The following KCNC4 variants were observed in gnomAD, a reference collection of about 807,000 sequenced individuals.
The protein encoded by KCNC4 is voltage-gated potassium channel KCNC4.
A neutral mutation model predicts 42.8 loss-of-function variants in KCNC4; 23 were observed. The observed-to-expected ratio is 0.54, with a 90% CI of 0.39 to 0.76. KCNC4 has a LOEUF of 0.76. Ranked by LOEUF, KCNC4 falls within the 30% of genes least tolerant of loss-of-function variation. The probability of loss-of-function intolerance (pLI) is 0.00; values close to 1 mark genes in which losing one functional copy is unlikely to be tolerated. For missense variants in KCNC4, 751 were observed against 898.2 expected, an observed-to-expected ratio of 0.84 and a Z score of 2.10; for synonymous variants, 422 against 393.5, an observed-to-expected ratio of 1.07 and a Z score of -0.86.
At chr1:110,268,667 T>C (rs1286538424) in intron 1 of KCNC4, among the ~76,000 whole-genome samples, 2 of 149,238 alleles carry the variant, frequency 1.3e-5, no homozygotes, top group Non-Finnish European at 3.0e-5. Context: ...GCCTTGGAAT[T>C]CTCGGGAAGA....
chr1:110,238,212 C>T (rs2603590), downstream of KCNC4: 55,718 of 152,090 alleles, frequency 0.37, 10,354 homozygotes, highest in South Asian at 0.47. Flanking sequence ...CCCGCTCTTA[C>T]TTGCCTGCTT....
intron 1 of KCNC4, among the ~76,000 whole-genome samples, chr1:110,219,463 C>T (rs1053245658): frequency 2.6e-5 from 4 of 152,120 alleles, no homozygotes; most frequent in Non-Finnish European, 4.4e-5. Flanking sequence ...TGAGGAATCC[C>T]GGAAGTCTAA....
chr1:110,222,786 C>A (rs1658169621), intron 1 of KCNC4, 178 bp from the exon 2 acceptor site: 7 of 586,046 alleles, frequency 1.2e-5, no homozygotes, highest in South Asian at 1.1e-4. Flanking sequence ...CGAGAGCCCC[C>A]AAGCATATGG....
chr1:110,259,049 G>T (rs1659382633), intron 1 of KCNC4, among the ~76,000 whole-genome samples: 1 of 152,224 alleles, frequency 6.6e-6, no homozygotes, highest in African/African-American at 2.4e-5. Context: ...TGCACAGCCT[G>T]TCACAGATGG....
chr1:110,212,374 CAGG>C (rs1657527480), intron 1 of KCNC4, among the ~76,000 whole-genome samples, 197 bp downstream of exon 1: 2 of 152,164 alleles, frequency 1.3e-5, no homozygotes, highest in African/African-American at 4.8e-5. Flanking sequence ...CACGCTCCAT[CAGG>C]AGATTGCACA....
At chr1:110,215,281 A>T (rs1657726228) in intron 1 of KCNC4, among the ~76,000 whole-genome samples, 1 of 152,202 alleles carries the variant, frequency 6.6e-6, no homozygotes, top group Admixed American at 6.5e-5. Flanking sequence ...TGCTGGGCCC[A>T]TGGGCAGCTG....
At chr1:110,215,705 G>C (rs1386441159) in intron 1 of KCNC4, among the ~76,000 whole-genome samples, 2 of 152,216 alleles carry the variant, frequency 1.3e-5, no homozygotes, top group Non-Finnish European at 2.9e-5. Flanking sequence ...TATGTGGGAG[G>C]CTTGGCCTGT....
chr1:110,231,387 A>G (rs566425608), intron 3 of KCNC4, among the ~76,000 whole-genome samples: 1 of 152,232 alleles, frequency 6.6e-6, no homozygotes, highest in African/African-American at 2.4e-5. Flanking sequence ...ACCCCTCCCC[A>G]ACTCTCAGAG....
chr1:110,225,795 T>C (rs1571044277), intron 2 of KCNC4, 180 bp from the exon 3 acceptor site: 2 of 601,454 alleles, frequency 3.3e-6, no homozygotes, highest in Non-Finnish European at 2.9e-6. Context: ...TCACACCAAG[T>C]GTAGCATCCC....
chr1:110,282,103 AC>A (rs1439921205), intron 1 of KCNC4, among the ~76,000 whole-genome samples: 1 of 152,272 alleles, frequency 6.6e-6, no homozygotes, highest in East Asian at 1.9e-4. Flanking sequence ...CCAGGGTCCC[AC>A]CCCCGAGTCA....
chr1:110,277,709 A>C (rs1659749000), intron 1 of KCNC4, among the ~76,000 whole-genome samples: 1 of 152,264 alleles, frequency 6.6e-6, no homozygotes. Context: ...GAGAGGGGAC[A>C]GAAGCAGAGC....
intron 3 of KCNC4, among the ~76,000 whole-genome samples, chr1:110,227,960 C>T: frequency 6.6e-6 from 1 of 152,130 alleles, no homozygotes; most frequent in East Asian, 1.9e-4. Flanking sequence ...CAAGATGCCT[C>T]CACACTGCTT....
chr1:110,241,480 T>C (rs1261637040), exon 4 of KCNC4: 1 of 152,204 alleles, frequency 6.6e-6, no homozygotes, highest in Non-Finnish European at 1.5e-5. Flanking sequence ...GCAGGATAGA[T>C]AATTTTTTCG....
intron 1 of KCNC4, among the ~76,000 whole-genome samples, chr1:110,273,149 G>A (rs1256891678): frequency 6.6e-6 from 1 of 152,174 alleles, no homozygotes; most frequent in Admixed American, 6.5e-5. Flanking sequence ...CTGAAAGAGG[G>A]CATCTAGTTA....
chr1:110,271,793 G>C (rs563190359), intron 1 of KCNC4, among the ~76,000 whole-genome samples: 2 of 152,138 alleles, frequency 1.3e-5, no homozygotes, highest in African/African-American at 4.8e-5. Context: ...GGAGGAGACT[G>C]TCCCCATCGC....
Position 110,223,962 on chromosome 1 carries a change from T to A in KCNC4, c.1615+62T>A, listed in dbSNP as rs1363468505. The A allele has an allele frequency of 3.9e-6, 5 of 1,294,652 alleles. No individual in the cohort carries two copies. Among genetic ancestry groups the A allele is most frequent in the Non-Finnish European group, 5.4e-6 (5 of 933,418 alleles). 80.2% of individuals were successfully genotyped at this position (1,294,652 alleles called of 1,614,324 possible). On this transcript the variant is annotated intron_variant, in intron 2 of 3. Transcript: ENST00000438661. The surrounding 1 kb of genome is among the most constrained non-coding windows in gnomAD (Gnocchi z 7.5). ...CCCAGTGGCCTAGGGAGTTTCCAAA[T>A]GGACCTCAGACCTTGGGATTTGGCA...
chr1:110,246,766 C>CTTTTTTTTTTTTTTTTTTTTTTTT (rs61165830), exon 4 of KCNC4: 1 of 139,376 alleles, frequency 7.2e-6, no homozygotes, highest in African/African-American at 2.7e-5. Flanking sequence ...TTTTTCTTTT[C>CTTTTTTTTTTTTTTTTTTTTTTTT]TTTTTTTTTT....
intron 2 of KCNC4, 81 bp from the exon 3 acceptor site, chr1:110,225,894 G>A (rs1401984247): frequency 1.5e-6 from 2 of 1,304,616 alleles, no homozygotes; most frequent in African/African-American, 3.0e-5. Context: ...GTAACACTCT[G>A]GGTCTGGGAG....
exon 4 of KCNC4, chr1:110,239,738 C>T (rs1658988854): frequency 6.6e-6 from 1 of 152,196 alleles, no homozygotes; most frequent in Non-Finnish European, 1.5e-5. Flanking sequence ...CTTCTTTTTA[C>T]ATTATGCATT....
Sources: gnomAD v4.1 joint callset for allele counts (sites outside exome capture counted in the v4.1 genomes callset) on GRCh38, gnomAD v4.1.1 for gene constraint, Gnocchi (gnomAD v3.1) non-coding constraint, MANE v1.5 for transcripts, NCBI Gene and HGNC (gene_info 2026-07-23, HGNC 2026-07-21) for gene names.